The following BTBD18 variants were observed in gnomAD, a reference collection of about 807,000 sequenced individuals.
BTBD18 encodes BTB domain containing 18.
For missense variants in BTBD18, 787 were observed against 846.3 expected, an observed-to-expected ratio of 0.93 and a Z score of 0.87; for synonymous variants, 311 against 324.4, an observed-to-expected ratio of 0.96 and a Z score of 0.44.
intron 1 of BTBD18, 27 bp from the exon 2 acceptor site, chr11:57,751,263 G>T (rs533404529): frequency 1.4e-5 from 17 of 1,216,880 alleles, no homozygotes; most frequent in African/African-American, 1.6e-5. Context: ...ACATTTCAGA[G>T]GCATGGTTAC....
rs759490656 is a variant in BTBD18 at position 57,744,678 on chromosome 11, G to A, written c.1595C>T (p.Thr532Ile). 1.9e-6 allele frequency: 3 copies of A among 1,551,704 alleles called. No homozygotes were observed. The highest frequency in any genetic ancestry group is 2.4e-5 in the South Asian group (2 of 84,062). Residue 532 changes from threonine to isoleucine, a missense_variant, in exon 3 of 3, where the codon ACA (threonine) becomes ATA (isoleucine). Physicochemically the swap from Thr to Ile is moderately conservative, Grantham distance 89. Transcript: ENST00000422652. ...TTCCCCTTCAATCCAGTTCTTTCCTGTTTCTGTCAGATGGTAGGTAGGCGT... is the reference window on the plus strand; with the variant it reads ...TTCCCCTTCAATCCAGTTCTTTCCTATTTCTGTCAGATGGTAGGTAGGCGT... ...CRTPTYHLTE[T>I]GKNWIEGEEW...
intron 2 of BTBD18, among the ~76,000 whole-genome samples, chr11:57,749,188 C>T (rs1298430991): frequency 1.3e-5 from 2 of 152,332 alleles, no homozygotes; most frequent in East Asian, 3.9e-4. Context: ...TAATATATTG[C>T]ACAGTTACTT....
rs1466542223 is a variant in BTBD18, at chr11:57,743,527, G to A, written c.*607C>T. The A allele has an allele frequency of 2.0e-5, 3 of 152,066 alleles. No homozygotes were observed. Among genetic ancestry groups the A allele is most frequent in the Admixed American group, 1.3e-4 (2 of 15,260 alleles). 9.4% of individuals were successfully genotyped at this position (152,066 alleles called of 1,614,324 possible). The stretch of plus-strand genomic sequence containing the variant: ...TACTTGTAAAAATTATGGGAGCAAA[G>A]TAAATAATTTATTTTTTAAAAAAGC... On this transcript the variant is annotated 3_prime_UTR_variant, in exon 3 of 3. Coordinates refer to ENST00000422652, the MANE Select transcript of BTBD18 (RefSeq NM_001145101.3).
At position 57,744,579 on chromosome 11, in the gene BTBD18, T is replaced by A; in HGVS notation, c.1694A>T (p.Asn565Ile). Residue 565 changes from asparagine (N) to isoleucine (I), a missense_variant, in exon 3 of 3, where the codon AAC (asparagine) becomes ATC (isoleucine). By Grantham distance (149) the Asn-to-Ile change is moderately radical (BLOSUM62 -3). Coordinates refer to ENST00000422652, the MANE Select transcript of BTBD18 (RefSeq NM_001145101.3). The stretch of plus-strand genomic sequence containing the variant: ...GCTAAGGAGCTCAGTTGGCCCTCTG[T>A]TCTCACCAGCAGGTTCCTTTTCCAA... ...TELEKEPAGE[N>I]RGPTELLSPL... The A allele has an allele frequency of 6.4e-7, 1 of 1,551,698 alleles. No homozygotes were observed. The highest frequency in any genetic ancestry group is 8.7e-7 in the Non-Finnish European group (1 of 1,146,982).
chr11:57,751,412 G>T, intron 1 of BTBD18, 129 bp downstream of exon 1: 1 of 386,578 alleles, frequency 2.6e-6, no homozygotes, highest in Non-Finnish European at 4.6e-6. Flanking sequence ...GTTACATGTG[G>T]GAGCTCAGAG....
chr11:57,745,779 G>C lies in BTBD18; in HGVS notation c.494C>G (p.Thr165Ser). The change falls in exon 3 of 3, where the codon ACC (threonine) becomes AGC (serine). Residue 165 changes from threonine to serine, a missense_variant. Physicochemically the swap from Thr to Ser is moderately conservative, Grantham distance 58. Coordinates refer to ENST00000422652, the MANE Select transcript of BTBD18 (RefSeq NM_001145101.3). ...AGGAGTTTGATTAGTGGGCAGTGGG[G>C]TGTGAGGGTGGTGGCTGGGTGTCAC... is the stretch of plus-strand genomic sequence containing the variant. ...RVVTPSHHPHTPLPTNQTPCP... is the reference protein window; with the variant it reads ...RVVTPSHHPHSPLPTNQTPCP... 2 of 1,551,650 alleles carry C rather than the reference G, an allele frequency of 1.3e-6. No individual in the cohort carries two copies. Among genetic ancestry groups the C allele is most frequent in the East Asian group, 2.4e-5 (1 of 40,908 alleles).
chr11:57,744,368 C>G lies in BTBD18; in HGVS notation c.1905G>C (p.Glu635Asp), dbSNP rs751493867. 10 of 1,551,564 alleles carry G rather than the reference C, an allele frequency of 6.4e-6. No homozygotes were observed. The highest frequency in any genetic ancestry group is 4.1e-5 in the African/African-American group (3 of 73,042). ...DLSPPCSNWV[E>D]TGLEVSLTTD... ...TAGTCAAGGAGACTTCCAGCCCAGT[C>G]TCCACCCAGTTTGAGCAGGGAGGTG... The change falls in exon 3 of 3, where the codon GAG becomes GAC. Residue 635 changes from glutamate to aspartate, a missense_variant. Transcript: ENST00000422652.
At position 57,744,025 on chromosome 11, in the gene BTBD18, A is replaced by C. The variant is rs889641370; in HGVS notation, c.*109T>G. 7.8e-6 allele frequency: 6 copies of C among 771,318 alleles called. No individual in the cohort carries two copies. The highest frequency in any genetic ancestry group is 1.8e-5 in the African/African-American group (1 of 56,934). 47.8% of individuals were successfully genotyped at this position (771,318 alleles called of 1,614,324 possible). ...GAAGGGACCTACAAAGAGCCAGGGT[A>C]CACCTGCCTCTTGTGCTGAGGGCAC... On this transcript the variant is annotated 3_prime_UTR_variant, in exon 3 of 3. Transcript: ENST00000422652.
chr11:57,752,781 T>C (rs1020756057), upstream of BTBD18, among the ~76,000 whole-genome samples: 1 of 152,218 alleles, frequency 6.6e-6, no homozygotes, highest in African/African-American at 2.4e-5. Flanking sequence ...GGCCAACGGC[T>C]GAGTGCTTCA....
intron 2 of BTBD18, among the ~76,000 whole-genome samples, chr11:57,749,762 A>T (rs1021431589): frequency 2.0e-5 from 3 of 151,764 alleles, no homozygotes; most frequent in African/African-American, 7.3e-5. Context: ...AAAAAAAAAA[A>T]AAAAAAAAAA....
At position 57,745,338 on chromosome 11, in the gene BTBD18, G is replaced by C; in HGVS notation, c.935C>G (p.Pro312Arg). The C allele has an allele frequency of 1.3e-6, 2 of 1,551,702 alleles. No individual in the cohort carries two copies. Among genetic ancestry groups the C allele is most frequent in the Non-Finnish European group, 1.7e-6 (2 of 1,146,998 alleles). The change falls in exon 3 of 3, where the codon CCA becomes CGA. Residue 312 changes from proline (P) to arginine (R), a missense_variant. Pro to Arg is a moderately radical substitution (Grantham distance 103). Coordinates refer to ENST00000422652, the MANE Select transcript of BTBD18 (RefSeq NM_001145101.3). Reference protein sequence around the residue: ...SVNKETPEDKPKPGRASPLQS... With the variant: ...SVNKETPEDKRKPGRASPLQS... ...CAGAGGACTAGCTCTGCCTGGTTTTGGCTTGTCCTCTGGTGTTTCTTTATT... is the reference window on the plus strand; with the variant it reads ...CAGAGGACTAGCTCTGCCTGGTTTTCGCTTGTCCTCTGGTGTTTCTTTATT...
At chr11:57,750,856 A>G in intron 2 of BTBD18, among the ~76,000 whole-genome samples, 1 of 152,316 alleles carries the variant, frequency 6.6e-6, no homozygotes, top group South Asian at 2.1e-4. Context: ...TTACAATTAG[A>G]TTCATTATTT....
chr11:57,745,014 G>C lies in BTBD18; in HGVS notation c.1259C>G (p.Ser420Cys). The change falls in exon 3 of 3, where the codon TCC (serine) becomes TGC (cysteine). Residue 420 changes from serine to cysteine, a missense_variant. Ser to Cys is a moderately radical substitution (Grantham distance 112). Coordinates refer to ENST00000422652, the MANE Select transcript of BTBD18 (RefSeq NM_001145101.3). Reference protein sequence around the residue: ...SPTRTELCQDSPMCTKLQDIL... With the variant: ...SPTRTELCQDCPMCTKLQDIL... ...GTCTTGTAGCTTAGTGCACATGGGG[G>C]AGTCCTGACACAGTTCTGTTCTAGT... The C allele has an allele frequency of 6.4e-7, 1 of 1,551,672 alleles. No homozygotes were observed. The highest frequency in any genetic ancestry group is 8.7e-7 in the Non-Finnish European group (1 of 1,146,966).
Position 57,744,076 on chromosome 11 carries a change from T to A in BTBD18, c.*58A>T. 1 of 1,322,276 alleles carries A rather than the reference T, an allele frequency of 7.6e-7. No homozygotes were observed. The highest frequency in any genetic ancestry group is 2.6e-4 in the Middle Eastern group (1 of 3,820). 81.9% of individuals were successfully genotyped at this position (1,322,276 alleles called of 1,614,324 possible). A position where few individuals can be genotyped will look rare whatever the true frequency, so the allele number is the denominator to read the frequency against. ...GTGCCAGCTTCTCTGCCAGTAAGCC[T>A]TTTGCTAGCTAACATTTCCCACCCT... is the stretch of plus-strand genomic sequence containing the variant. On this transcript the variant is annotated 3_prime_UTR_variant, in exon 3 of 3. Transcript: ENST00000422652.
chr11:57,744,641 T>A lies in BTBD18; in HGVS notation c.1632A>T (p.Leu544=). ...KNWIEGEEWC[L]PDMELWPREL... ...CCCTGGGCCAGAGTTCCATGTCTGG[T>A]AGACACCATTCTTCCCCTTCAATCC... The change falls in exon 3 of 3, where the codon CTA becomes CTT. Residue 544 remains leucine, a synonymous_variant. Transcript: ENST00000422652. The A allele has an allele frequency of 6.4e-7, 1 of 1,551,664 alleles. No homozygotes were observed.
rs780208045 is a variant in BTBD18 at position 57,751,156 on chromosome 11, G to A, written c.33C>T (p.Tyr11=). The part of the protein sequence containing the change: MCSPASPKIL[Y]RNPRFLRLAF... ...CTAACCTGAGGAACCGGGGGTTCCT[G>A]TATAGGATTTTGGGACTGGCAGGAG... The change falls in exon 2 of 3, where the codon TAC becomes TAT. Residue 11 remains tyrosine (Y), a synonymous_variant. Transcript: ENST00000422652. 21 of 1,548,096 alleles carry A rather than the reference G, an allele frequency of 1.4e-5. No individual in the cohort carries two copies. In the South Asian group the frequency reaches 2.3e-4, roughly 17 times the overall value.
intron 2 of BTBD18, among the ~76,000 whole-genome samples, chr11:57,748,900 T>G (rs1182547856): frequency 6.6e-6 from 1 of 152,192 alleles, no homozygotes; most frequent in Non-Finnish European, 1.5e-5. Context: ...ACCTCACATG[T>G]TTACTAATTT....
In BTBD18 at chr11:57,743,665, T is replaced by C. The variant is rs1949136961; in HGVS notation, c.*469A>G. On this transcript the variant is annotated 3_prime_UTR_variant, in exon 3 of 3. Coordinates refer to ENST00000422652, the MANE Select transcript of BTBD18 (RefSeq NM_001145101.3). ...ATACTGGCAGTGAATAAGCCCCACGTTGGGTGCTGGACAGCATCCATCACT... is the reference window on the plus strand; with the variant it reads ...ATACTGGCAGTGAATAAGCCCCACGCTGGGTGCTGGACAGCATCCATCACT... 6.5e-6 allele frequency: 1 copy of C among 154,266 alleles called. No homozygotes were observed. Among genetic ancestry groups the C allele is most frequent in the South Asian group, 2.0e-4 (1 of 4,914 alleles). 9.6% of individuals were successfully genotyped at this position (154,266 alleles called of 1,614,324 possible).
chr11:57,745,118 C>T lies in BTBD18; in HGVS notation c.1155G>A (p.Gln385=), dbSNP rs1243585306. ...GGAAGTCTCCTCCGGGATCTGGGAT[C>T]TGGGGGCTATCTTGAGTGTTTTTGA... ...TPLKNTQDSP[Q]IPDPGGDFQE... The change falls in exon 3 of 3, where the codon CAG becomes CAA. Residue 385 remains glutamine, a synonymous_variant. Transcript: ENST00000422652. The T allele has an allele frequency of 1.3e-6, 2 of 1,551,706 alleles. No homozygotes were observed. The highest frequency in any genetic ancestry group is 1.7e-4 in the Middle Eastern group (1 of 5,992).
Sources: allele counts gnomAD v4.1 joint callset (sites outside exome capture counted in the v4.1 genomes callset), GRCh38; gene constraint gnomAD v4.1.1; transcripts MANE v1.5; gene names NCBI Gene and HGNC (gene_info 2026-07-23, HGNC 2026-07-21).